Variants in MGAT3 observed in about 807,000 individuals in gnomAD.
MGAT3 encodes beta-1,4-mannosyl-glycoprotein 4-beta-N-acetylglucosaminyltransferase, also known as GlcNAc-T III.
A neutral mutation model predicts 29.8 loss-of-function variants in MGAT3; 9 were observed. That is an observed-to-expected ratio of 0.30 (90% CI 0.18 to 0.53). The LOEUF (loss-of-function observed/expected upper bound fraction) is 0.53. Among genes scored for constraint, MGAT3 ranks in the 20% least tolerant of loss-of-function variants. The pLI, the probability that MGAT3 is intolerant of heterozygous loss-of-function variation, is 0.96. For missense variants in MGAT3, 557 were observed against 769.5 expected (o/e 0.72, Z 3.27); for synonymous variants, 397 against 348.9 (o/e 1.14, Z -1.54).
rs201417286 is a variant in MGAT3 at position 39,487,946 on chromosome 22, T to C, written c.599T>C (p.Val200Ala). Residue 200 changes from valine to alanine, a missense_variant, in exon 2 of 2, where the codon GTG becomes GCG. By Grantham distance (64) the Val-to-Ala change is moderately conservative. Transcript: ENST00000341184. The surrounding 1 kb of genome is among the most constrained non-coding windows in gnomAD (Gnocchi z 5.7). ...AACCTGCCCACCAAGGAGCGGCTGG[T>C]GCCCAGGGAGGTGCCGCGCCGCGTC... ...YSNLPTKERL[V>A]PREVPRRVIN... The C allele has an allele frequency of 1.3e-6, 2 of 1,598,884 alleles. No homozygotes were observed. The highest frequency in any genetic ancestry group is 1.7e-6 in the Non-Finnish European group (2 of 1,174,986).
chr22:39,474,393 C>T (rs901067692), intron 1 of MGAT3, among the ~76,000 whole-genome samples: 1 of 152,168 alleles, frequency 6.6e-6, no homozygotes, highest in African/African-American at 2.4e-5. Context: ...GGACTTTGCC[C>T]CTGAAACTCT....
intron 1 of MGAT3, among the ~76,000 whole-genome samples, chr22:39,477,939 G>T (rs1296414369): frequency 6.6e-6 from 1 of 152,216 alleles, no homozygotes; most frequent in East Asian, 1.9e-4. Context: ...TGAGGCACGG[G>T]GAGGCAGAGT....
chr22:39,479,689 A>T (rs182682525), intron 1 of MGAT3, among the ~76,000 whole-genome samples: 23 of 152,370 alleles, frequency 1.5e-4, no homozygotes, highest in African/African-American at 5.3e-4. Flanking sequence ...TGTGCTAGGC[A>T]TCTCATCGAT....
chr22:39,467,809 C>CAAA (rs34945926), intron 1 of MGAT3, among the ~76,000 whole-genome samples: 5 of 61,082 alleles, frequency 8.2e-5, no homozygotes, highest in Admixed American at 1.8e-4. Context: ...GGCTCAGTCT[C>CAAA]AAAAAAAAAA....
chr22:39,488,285 TC>T lies in MGAT3; in HGVS notation c.939del (p.Phe313LeufsTer140). 6.2e-7 allele frequency: 1 copy of T among 1,611,844 alleles called. No homozygotes were observed. Among genetic ancestry groups the T allele is most frequent in the Non-Finnish European group, 8.5e-7 (1 of 1,179,962 alleles). On this transcript the variant is annotated frameshift_variant, in exon 2 of 2. Coordinates refer to ENST00000341184, the MANE Select transcript of MGAT3 (RefSeq NM_002409.5). LOFTEE classifies it high-confidence loss of function. ...CGCAACCTGCGGCCCGACGACGTCT[TC>T]ATCATTGACGATGCGGACGAGATCC... Reference protein sequence around the residue: ...RLRNLRPDDVFIIDDADEIPA... With the variant: ...RLRNLRPDDVXIIDDADEIPA...
In MGAT3 at chr22:39,488,821, G is replaced by A; in HGVS notation, c.1474G>A (p.Asp492Asn). Residue 492 changes from aspartate to asparagine, a missense_variant, in exon 2 of 2, where the codon GAC (aspartate) becomes AAC (asparagine). Physicochemically the swap from Asp to Asn is conservative, Grantham distance 23. Coordinates refer to ENST00000341184, the MANE Select transcript of MGAT3 (RefSeq NM_002409.5). Reference protein sequence around the residue: ...YAPKYLLKNYDRFHYLLDNPY... With the variant: ...YAPKYLLKNYNRFHYLLDNPY... ...GCCCAAGTACCTGCTGAAGAACTAC[G>A]ACCGGTTCCACTACCTGCTGGACAA... The A allele has an allele frequency of 6.2e-7, 1 of 1,609,996 alleles. No homozygotes were observed. The highest frequency in any genetic ancestry group is 1.3e-5 in the African/African-American group (1 of 74,980).
At chr22:39,466,975 G>A (rs950242350) in intron 1 of MGAT3, among the ~76,000 whole-genome samples, 2 of 152,208 alleles carry the variant, frequency 1.3e-5, no homozygotes. Flanking sequence ...TACTCCCTAA[G>A]TGCCTATTGT....
chr22:39,487,624 C>G lies in MGAT3; in HGVS notation c.277C>G (p.Leu93Val), dbSNP rs199787269. Residue 93 changes from leucine (L) to valine (V), a missense_variant, in exon 2 of 2, where the codon CTC becomes GTC. Coordinates refer to ENST00000341184, the MANE Select transcript of MGAT3 (RefSeq NM_002409.5). This position sits in a 1 kb window ranked among gnomAD's most constrained non-coding sequence, Gnocchi z 5.7. ...GCCGCCCAGCAAGGCGGCCGAGGAG[C>G]TCCACCGGGTGGACTTGGTGCTGCC... is the stretch of plus-strand genomic sequence containing the variant. ...PLPPSKAAEE[L>V]HRVDLVLPED... The G allele has an allele frequency of 4.5e-4, 731 of 1,611,664 alleles. No homozygotes were observed. Among genetic ancestry groups the G allele is most frequent in the Non-Finnish European group, 2.8e-4 (332 of 1,179,248 alleles).
Position 39,488,413 on chromosome 22 carries a change from C to T in MGAT3, c.1066C>T (p.Pro356Ser). ...KSLYGFFWKQ[P>S]GTLEVVSGCT... ...GCTCTACGGCTTCTTCTGGAAGCAG[C>T]CGGGCACCCTGGAGGTGGTGTCAGG... The change falls in exon 2 of 2, where the codon CCG becomes TCG. Residue 356 changes from proline (P) to serine (S), a missense_variant. By Grantham distance (74) the Pro-to-Ser change is moderately conservative. Around this residue, in one of 3 missense-constraint regions of MGAT3, gnomAD observed 243 missense variants for 444.0 expected, o/e 0.55. Coordinates refer to ENST00000341184, the MANE Select transcript of MGAT3 (RefSeq NM_002409.5). The T allele has an allele frequency of 6.2e-7, 1 of 1,612,818 alleles. No homozygotes were observed. Among genetic ancestry groups the T allele is most frequent in the South Asian group, 1.1e-5 (1 of 91,088 alleles).
chr22:39,469,646 C>A (rs1180693766), intron 1 of MGAT3, among the ~76,000 whole-genome samples: 1 of 152,272 alleles, frequency 6.6e-6, no homozygotes. Context: ...GGCACAATGC[C>A]TGGGACAAAG....
chr22:39,470,941 C>T (rs556003144), intron 1 of MGAT3, among the ~76,000 whole-genome samples: 113 of 152,332 alleles, frequency 7.4e-4, no homozygotes, highest in African/African-American at 2.4e-3. Context: ...CCTCGCCCCA[C>T]GCTGACTCCT....
chr22:39,477,143 A>T (rs905791838), intron 1 of MGAT3, among the ~76,000 whole-genome samples: 5 of 152,250 alleles, frequency 3.3e-5, no homozygotes, highest in African/African-American at 1.2e-4. Flanking sequence ...AGGGAAACTG[A>T]TGAAGGTCAA....
Position 39,487,661 on chromosome 22 carries a change from C to T in MGAT3, c.314C>T (p.Thr105Ile). Residue 105 changes from threonine (T) to isoleucine (I), a missense_variant, in exon 2 of 2, where the codon ACC becomes ATC. Around this residue, in one of 3 missense-constraint regions of MGAT3, gnomAD observed 212 missense variants for 228.5 expected, o/e 0.93. Transcript: ENST00000341184. This position sits in a 1 kb window ranked among gnomAD's most constrained non-coding sequence, Gnocchi z 5.7. ...GACTTGGTGCTGCCCGAGGACACCACCGAGTATTTCGTGCGCACCAAGGCC... is the reference window on the plus strand; with the variant it reads ...GACTTGGTGCTGCCCGAGGACACCATCGAGTATTTCGTGCGCACCAAGGCC... Reference protein sequence around the residue: ...RVDLVLPEDTTEYFVRTKAGG... With the variant: ...RVDLVLPEDTIEYFVRTKAGG... 1 of 1,609,164 alleles carries T rather than the reference C, an allele frequency of 6.2e-7. No individual in the cohort carries two copies. Among genetic ancestry groups the T allele is most frequent in the South Asian group, 1.1e-5 (1 of 90,816 alleles).
At chr22:39,473,494 C>T (rs540328029) in intron 1 of MGAT3, among the ~76,000 whole-genome samples, 4 of 152,330 alleles carry the variant, frequency 2.6e-5, no homozygotes, top group Middle Eastern at 3.4e-3. Context: ...GGAGCCCTCA[C>T]GGCCTAATCA....
At chr22:39,472,354 G>A (rs1449070298) in intron 1 of MGAT3, among the ~76,000 whole-genome samples, 3 of 152,142 alleles carry the variant, frequency 2.0e-5, no homozygotes, top group East Asian at 3.9e-4. Flanking sequence ...CCGCCGTGCC[G>A]AGAGTGTATT....
rs532765445 is a variant in MGAT3 at position 39,483,027 on chromosome 22, G to T, written c.-1-4320G>T. On this transcript the variant is annotated intron_variant, in intron 1 of 1. Transcript: ENST00000341184. ...CCACGGAGGCCCTTTACGCCAAGCA[G>T]GCTGTTTCCTTGCCTCTCTGAGTTC... Among the ~76,000 whole-genome samples, 11 of 152,358 alleles carry T rather than the reference G, an allele frequency of 7.2e-5. No individual in the cohort carries two copies. In the South Asian group the frequency reaches 2.1e-3, roughly 29 times the overall value.
chr22:39,471,603 C>T (rs1389347724), intron 1 of MGAT3, among the ~76,000 whole-genome samples: 1 of 151,932 alleles, frequency 6.6e-6, no homozygotes, highest in Non-Finnish European at 1.5e-5. Context: ...CCTTGCCGGC[C>T]TTCCTCTGCA....
intron 1 of MGAT3, among the ~76,000 whole-genome samples, chr22:39,471,472 A>T (rs907451518): frequency 1.3e-5 from 2 of 152,042 alleles, no homozygotes; most frequent in African/African-American, 4.8e-5. Flanking sequence ...CTGCCCAATT[A>T]ATAATTACAG....
At position 39,488,914 on chromosome 22, in the gene MGAT3, C is replaced by G; in HGVS notation, c.1567C>G (p.Pro523Ala). ...WRHRGPEGRP[P>A]ARGKLDEAEV Reference sequence around the variant, plus strand: ...CCACAGGGGTCCCGAGGGAAGGCCGCCCGCCCGGGGCAAACTGGACGAGGC... The same window carrying G: ...CCACAGGGGTCCCGAGGGAAGGCCGGCCGCCCGGGGCAAACTGGACGAGGC... The change falls in exon 2 of 2, where the codon CCC becomes GCC. Residue 523 changes from proline (P) to alanine (A), a missense_variant. Pro to Ala is a conservative substitution (Grantham distance 27). This residue lies in a region of MGAT3 where 102 missense variants were observed against 97.0 expected (regional missense o/e 1.05). Coordinates refer to ENST00000341184, the MANE Select transcript of MGAT3 (RefSeq NM_002409.5). 1 of 1,604,412 alleles carries G rather than the reference C, an allele frequency of 6.2e-7. No homozygotes were observed. Among genetic ancestry groups the G allele is most frequent in the Non-Finnish European group, 8.5e-7 (1 of 1,175,920 alleles).
Sources: gnomAD v4.1 joint callset for allele counts (sites outside exome capture counted in the v4.1 genomes callset) on GRCh38, gnomAD v4.1.1 for gene constraint, gnomAD v4.1.1 regional missense constraint, Gnocchi (gnomAD v3.1) non-coding constraint, MANE v1.5 for transcripts, NCBI Gene and HGNC (gene_info 2026-07-23, HGNC 2026-07-21) for gene names.